The following CTDSPL variants were observed in gnomAD, a reference collection of about 807,000 sequenced individuals.
CTDSPL encodes the protein CTD small phosphatase like.
A neutral mutation model predicts 30.5 loss-of-function variants in CTDSPL; 8 were observed. The observed-to-expected ratio is 0.26, with a 90% CI of 0.15 to 0.47. The LOEUF (loss-of-function observed/expected upper bound fraction) is 0.47, where lower values mean the gene tolerates loss of function less well. Ranked by LOEUF, CTDSPL falls within the 20% of genes least tolerant of loss-of-function variation. CTDSPL has a pLI of 0.99. For synonymous variants in CTDSPL, 110 were observed against 137.9 expected (o/e 0.80, Z 1.42); for missense variants, 248 against 366.1 (o/e 0.68, Z 2.63).
chr3:37,907,207 T>G (rs1467178241), intron 1 of CTDSPL, among the ~76,000 whole-genome samples: 6 of 152,242 alleles, frequency 3.9e-5, no homozygotes, highest in Admixed American at 3.3e-4. Flanking sequence ...AGCAGCCGCC[T>G]TCTGACATCT....
rs138213046 is a variant in CTDSPL, at chr3:37,886,328, G to A, written c.79+24050G>A. Among the ~76,000 whole-genome samples the A allele has an allele frequency of 1.3e-3, 194 of 151,802 alleles. 1 individual carries two copies. The highest frequency in any genetic ancestry group is 4.2e-3 in the African/African-American group (175 of 41,396). ...AGACATGCCTTCCCATTTCCCTCCC[G>A]ACCCACTTCCCTCACAGCCTCACAT... is the stretch of plus-strand genomic sequence containing the variant. On this transcript the variant is annotated intron_variant, in intron 1 of 7. Transcript: ENST00000273179.
intron 1 of CTDSPL, among the ~76,000 whole-genome samples, chr3:37,924,082 A>T (rs907896740): frequency 6.6e-6 from 1 of 152,250 alleles, no homozygotes; most frequent in Non-Finnish European, 1.5e-5. Flanking sequence ...AGTGAGGACA[A>T]CAGGCCTCTT....
intron 1 of CTDSPL, among the ~76,000 whole-genome samples, chr3:37,946,051 A>G (rs2125621926): frequency 6.6e-6 from 1 of 152,210 alleles, no homozygotes; most frequent in East Asian, 1.9e-4. Context: ...TGCTCTGGCA[A>G]TTTTCCCATT....
At chr3:37,877,073 T>A (rs1286728776) in intron 1 of CTDSPL, among the ~76,000 whole-genome samples, 1 of 146,982 alleles carries the variant, frequency 6.8e-6, no homozygotes, top group African/African-American at 2.5e-5. Context: ...GCCTCTGCAC[T>A]CCATCCTGGG....
At chr3:37,869,721 A>G (rs1207436082) in intron 1 of CTDSPL, among the ~76,000 whole-genome samples, 1 of 152,126 alleles carries the variant, frequency 6.6e-6, no homozygotes, top group Non-Finnish European at 1.5e-5. Context: ...GTATTTTATC[A>G]TTAGTATAAT....
intron 4 of CTDSPL, among the ~76,000 whole-genome samples, chr3:37,965,287 T>C (rs1420633641): frequency 6.6e-6 from 1 of 152,208 alleles, no homozygotes; most frequent in Non-Finnish European, 1.5e-5. Flanking sequence ...TCAGACACTC[T>C]TCCTTCCTGT....
chr3:37,886,254 A>G (rs1208471823), intron 1 of CTDSPL, among the ~76,000 whole-genome samples: 12 of 152,114 alleles, frequency 7.9e-5, no homozygotes. Flanking sequence ...CCTGTAACCT[A>G]GAACCATCTT....
intron 2 of CTDSPL, among the ~76,000 whole-genome samples, chr3:37,956,147 A>T (rs948322917): frequency 1.2e-4 from 19 of 152,240 alleles, no homozygotes; most frequent in African/African-American, 4.6e-4. Context: ...AGAGGTGATG[A>T]CTAGGGGTTG....
chr3:37,972,286 C>T (rs1368564151), intron 6 of CTDSPL, among the ~76,000 whole-genome samples: 1 of 152,162 alleles, frequency 6.6e-6, no homozygotes, highest in African/African-American at 2.4e-5. Flanking sequence ...CACCTGAGGT[C>T]AGGAGTTCAA....
At chr3:37,874,499 A>G (rs940461655) in intron 1 of CTDSPL, among the ~76,000 whole-genome samples, 1 of 152,192 alleles carries the variant, frequency 6.6e-6, no homozygotes, top group African/African-American at 2.4e-5. Context: ...TGGGAGGCCA[A>G]GGCAGGCAGA....
intron 1 of CTDSPL, among the ~76,000 whole-genome samples, chr3:37,874,684 T>G (rs555928770): frequency 6.6e-6 from 1 of 152,106 alleles, no homozygotes; most frequent in African/African-American, 2.4e-5. Flanking sequence ...GAGCTGAGAC[T>G]GCGCCACTGC....
At chr3:37,880,364 G>A (rs1476366091) in intron 1 of CTDSPL, among the ~76,000 whole-genome samples, 1 of 149,364 alleles carries the variant, frequency 6.7e-6, no homozygotes, top group Non-Finnish European at 1.5e-5. Context: ...CCCTTTCATA[G>A]TATTTGGAGA....
At chr3:37,914,452 A>G (rs2125607330) in intron 1 of CTDSPL, among the ~76,000 whole-genome samples, 1 of 152,332 alleles carries the variant, frequency 6.6e-6, no homozygotes, top group Admixed American at 6.5e-5. Flanking sequence ...ACCATCAAGT[A>G]TTATATGTGC....
chr3:37,925,560 C>T (rs1433770608), intron 1 of CTDSPL, among the ~76,000 whole-genome samples: 1 of 152,180 alleles, frequency 6.6e-6, no homozygotes, highest in African/African-American at 2.4e-5. Flanking sequence ...GGGCTTGCAA[C>T]GTATGCCCTG....
intron 5 of CTDSPL, among the ~76,000 whole-genome samples, chr3:37,969,827 C>T (rs1699346400): frequency 6.6e-6 from 1 of 152,212 alleles, no homozygotes; most frequent in African/African-American, 2.4e-5. Flanking sequence ...TTCTTTCAGT[C>T]ACCCATGAAT....
chr3:37,973,832 T>G (rs971148942), intron 6 of CTDSPL, among the ~76,000 whole-genome samples: 1 of 152,246 alleles, frequency 6.6e-6, no homozygotes, highest in Non-Finnish European at 1.5e-5. Flanking sequence ...AAGCTTACAT[T>G]CTTCACATTC....
intron 1 of CTDSPL, among the ~76,000 whole-genome samples, chr3:37,876,525 T>C (rs892623095): frequency 3.3e-5 from 5 of 152,352 alleles, no homozygotes; most frequent in Middle Eastern, 3.4e-3. Context: ...TATTTAGTGG[T>C]ATCTCATCAT....
At chr3:37,963,249 C>A (rs538631444) in intron 3 of CTDSPL, among the ~76,000 whole-genome samples, 1 of 152,338 alleles carries the variant, frequency 6.6e-6, no homozygotes, top group South Asian at 2.1e-4. Flanking sequence ...CACGTAGCCT[C>A]TTCCTGGGCA....
chr3:37,909,633 A>G (rs1698557935), intron 1 of CTDSPL, among the ~76,000 whole-genome samples: 2 of 152,234 alleles, frequency 1.3e-5, no homozygotes, highest in Non-Finnish European at 2.9e-5. Flanking sequence ...CCTTTAGTCA[A>G]CAGCAGGAGG....
Sources: allele counts gnomAD v4.1 joint callset (sites outside exome capture counted in the v4.1 genomes callset), GRCh38; gene constraint gnomAD v4.1.1; transcripts MANE v1.5; gene names NCBI Gene and HGNC (gene_info 2026-07-23, HGNC 2026-07-21).